Variants in PCTP observed in about 807,000 individuals in gnomAD.
The protein encoded by PCTP is START domain-containing protein 2.
In PCTP, 27 loss-of-function variants were observed where a neutral mutation model predicts 31.0. The observed-to-expected ratio is 0.87, with a 90% CI of 0.64 to 1.20. The LOEUF (loss-of-function observed/expected upper bound fraction) is 1.20, where lower values mean the gene tolerates loss of function less well. PCTP is among the 50% of genes most tolerant of loss of function. The pLI, the probability that PCTP is intolerant of heterozygous loss-of-function variation, is 0.00. For missense variants in PCTP, 287 were observed against 268.2 expected (o/e 1.07, Z -0.49); for synonymous variants, 108 against 101.2 (o/e 1.07, Z -0.40).
At chr17:55,754,948 T>C (rs948992570) in intron 1 of PCTP, among the ~76,000 whole-genome samples, 1 of 152,204 alleles carries the variant, frequency 6.6e-6, no homozygotes, top group African/African-American at 2.4e-5. Flanking sequence ...CACACATATG[T>C]AAATTATATA....
At chr17:55,821,485 T>C (rs182647901) in intron 3 of PCTP, among the ~76,000 whole-genome samples, 1 of 152,338 alleles carries the variant, frequency 6.6e-6, no homozygotes, top group East Asian at 1.9e-4. Context: ...ACCATTAAAT[T>C]GTACACATAA....
intron 3 of PCTP, among the ~76,000 whole-genome samples, chr17:55,804,861 TA>T (rs926797040): frequency 1.8e-4 from 27 of 151,770 alleles, no homozygotes; most frequent in East Asian, 9.7e-4. Context: ...TAAAATTTAA[TA>T]AAAAAAATTG....
At chr17:55,770,462 G>T (rs2144956000) in intron 2 of PCTP, 1 of 152,302 alleles carries the variant, frequency 6.6e-6, no homozygotes, top group Middle Eastern at 3.4e-3. Flanking sequence ...GTGACATCTG[G>T]TGGTTATCCT....
intron 1 of PCTP, among the ~76,000 whole-genome samples, chr17:55,751,789 A>G (rs1555564192): frequency 6.6e-6 from 1 of 152,136 alleles, no homozygotes; most frequent in Non-Finnish European, 1.5e-5. Flanking sequence ...TAATAAGTTG[A>G]GTCCGAATCT....
chr17:55,755,711 C>T (rs867435536), intron 1 of PCTP, among the ~76,000 whole-genome samples: 3 of 152,080 alleles, frequency 2.0e-5, no homozygotes, highest in Non-Finnish European at 2.9e-5. Flanking sequence ...CTTTCTTTGC[C>T]TACTCTATTT....
At chr17:55,779,380 TG>T (rs1911478450), downstream of PCTP, among the ~76,000 whole-genome samples, 1 of 152,198 alleles carries the variant, frequency 6.6e-6, no homozygotes, top group South Asian at 2.1e-4. Context: ...GAATTGTGGC[TG>T]GATGAAGGTT....
chr17:55,775,693 G>A (rs924729285), intron 5 of PCTP: 16 of 1,211,138 alleles, frequency 1.3e-5, no homozygotes, highest in African/African-American at 1.6e-5. Context: ...AGTAAAGCAA[G>A]TGCTTTCATT....
chr17:55,789,418 TC>T (rs1214505220), intron 3 of PCTP, among the ~76,000 whole-genome samples: 1 of 152,218 alleles, frequency 6.6e-6, no homozygotes, highest in African/African-American at 2.4e-5. Context: ...ACCATTAATA[TC>T]CTGACTAAGT....
At chr17:55,790,999 C>T (rs967763863) in intron 3 of PCTP, among the ~76,000 whole-genome samples, 18 of 151,736 alleles carry the variant, frequency 1.2e-4, no homozygotes, top group East Asian at 1.2e-3. Flanking sequence ...GAAATAACGC[C>T]GCATATCTAC....
intron 3 of PCTP, among the ~76,000 whole-genome samples, chr17:55,799,737 T>G (rs1185413292): frequency 1.3e-5 from 2 of 152,152 alleles, no homozygotes; most frequent in Non-Finnish European, 2.9e-5. Context: ...TATTTAGTGC[T>G]TCCTTCAGGA....
At chr17:55,807,633 G>A (rs1912615662) in intron 3 of PCTP, among the ~76,000 whole-genome samples, 1 of 152,150 alleles carries the variant, frequency 6.6e-6, no homozygotes, top group Non-Finnish European at 1.5e-5. Context: ...GCTTTAATAT[G>A]AAGTCAATAA....
Position 55,776,481 on chromosome 17 carries a change from G to A in PCTP, c.*381G>A. On this transcript the variant is annotated 3_prime_UTR_variant, in exon 6 of 6. Transcript: ENST00000268896. ...ATTTTACGGGGATGGGTGGGCGGAG[G>A]GACACAACAAAATTTAAGAATGACT... The A allele has an allele frequency of 8.1e-7, 1 of 1,231,986 alleles. No homozygotes were observed. The highest frequency in any genetic ancestry group is 1.0e-6 in the Non-Finnish European group (1 of 988,198). The allele number at this position is 1,231,986 out of a possible 1,614,324, so 76.3% of individuals were successfully genotyped here. A position where few individuals can be genotyped will look rare whatever the true frequency, so the allele number is the denominator to read the frequency against.
At chr17:55,788,457 C>T (rs1209037406) in intron 3 of PCTP, among the ~76,000 whole-genome samples, 2 of 152,114 alleles carry the variant, frequency 1.3e-5, no homozygotes, top group Admixed American at 6.6e-5. Context: ...TTTATTTACT[C>T]AACAAAGATT....
chr17:55,822,684 T>G (rs1913153321), intron 3 of PCTP: 3 of 692,868 alleles, frequency 4.3e-6, no homozygotes, highest in Admixed American at 4.4e-5. Flanking sequence ...CCTTATTCTG[T>G]GCATCCTGAA....
At chr17:55,822,866 CATAAAG>C (rs1905280795) in exon 4 of PCTP, 1 of 1,198,850 alleles carries the variant, frequency 8.3e-7, no homozygotes, top group Non-Finnish European at 1.0e-6. Flanking sequence ...AGAGGAAGGA[CATAAAG>C]ATAAAGACAT....
At chr17:55,808,653 A>G (rs561850598) in intron 3 of PCTP, among the ~76,000 whole-genome samples, 1 of 152,290 alleles carries the variant, frequency 6.6e-6, no homozygotes, top group South Asian at 2.1e-4. Context: ...CAGATTAGCA[A>G]GCAAGTCGTA....
chr17:55,760,389 T>C (rs1910273100), intron 1 of PCTP, among the ~76,000 whole-genome samples: 1 of 152,236 alleles, frequency 6.6e-6, no homozygotes, highest in East Asian at 1.9e-4. Flanking sequence ...TAAGTACTTA[T>C]TATGTGCACC....
downstream of PCTP, among the ~76,000 whole-genome samples, chr17:55,846,323 TCTG>T (rs1408026493): frequency 6.6e-6 from 1 of 152,166 alleles, no homozygotes; most frequent in Non-Finnish European, 1.5e-5. Flanking sequence ...AGGGGTGGCT[TCTG>T]CACATAAAGT....
intron 3 of PCTP, among the ~76,000 whole-genome samples, chr17:55,806,311 G>T (rs913328516): frequency 2.6e-5 from 4 of 152,176 alleles, no homozygotes; most frequent in African/African-American, 9.6e-5. Context: ...GGTTCTTACT[G>T]GCTTGCAAGA....
Sources: allele counts gnomAD v4.1 joint callset (sites outside exome capture counted in the v4.1 genomes callset), GRCh38; gene constraint gnomAD v4.1.1; transcripts MANE v1.5; gene names NCBI Gene and HGNC (gene_info 2026-07-23, HGNC 2026-07-21).